The following SLC41A2 variants were observed in gnomAD, a reference collection of about 807,000 sequenced individuals.
SLC41A2 encodes the protein SLC41A1-like 1.
Under a neutral mutation model 58.3 loss-of-function variants are expected in SLC41A2, and 32 were observed. The observed-to-expected ratio is 0.55, with a 90% confidence interval of 0.41 to 0.74. The LOEUF is 0.74. Ranked by LOEUF, SLC41A2 falls within the 30% of genes least tolerant of loss-of-function variation. The pLI is 0.00. For missense variants in SLC41A2, 514 were observed against 680.6 expected (o/e 0.76, Z 2.72); for synonymous variants, 190 against 235.0 (o/e 0.81, Z 1.75).
intron 10 of SLC41A2, among the ~76,000 whole-genome samples, chr12:104,837,772 T>G (rs970607001): frequency 4.6e-5 from 7 of 152,250 alleles, no homozygotes; most frequent in African/African-American, 1.7e-4. Flanking sequence ...CATGATAAAC[T>G]GCAGCTACTA....
At chr12:104,882,353 T>A (rs1263908327) in intron 6 of SLC41A2, among the ~76,000 whole-genome samples, 2 of 152,340 alleles carry the variant, frequency 1.3e-5, no homozygotes, top group East Asian at 3.9e-4. Context: ...AATTTGATCC[T>A]GTCATCATGA....
chr12:104,928,031 G>A lies in SLC41A2; in HGVS notation c.497C>T (p.Pro166Leu). ...SGIMALQILV[P>L]FLLAGFGTVS... ...TGTTCCAAAACCAGCTAGCAAAAAG[G>A]GCACAAGTATTTGCAATGCCATGAT... The change falls in exon 2 of 11, where the codon CCC (proline) becomes CTC (leucine). Residue 166 changes from proline to leucine, a missense_variant. Physicochemically the swap from Pro to Leu is moderately conservative, Grantham distance 98. Transcript: ENST00000258538. 3 of 1,613,822 alleles carry A rather than the reference G, an allele frequency of 1.9e-6. No individual in the cohort carries two copies. The highest frequency in any genetic ancestry group is 2.5e-6 in the Non-Finnish European group (3 of 1,179,866).
At chr12:104,902,727 C>T (rs1424247019) in intron 3 of SLC41A2, among the ~76,000 whole-genome samples, 2 of 152,188 alleles carry the variant, frequency 1.3e-5, no homozygotes, top group South Asian at 4.1e-4. Context: ...GGTCTCAAAG[C>T]CAAGGGCTAT....
At chr12:104,853,535 C>T (rs1167786650) in intron 8 of SLC41A2, among the ~76,000 whole-genome samples, 5 of 151,938 alleles carry the variant, frequency 3.3e-5, no homozygotes, top group African/African-American at 1.2e-4. Flanking sequence ...ATTGGAACAC[C>T]CTTTTAGTGA....
rs368596323 is a variant in SLC41A2 at position 104,860,593 on chromosome 12, AT to A, written c.1255+697del. Among the ~76,000 whole-genome samples, 895 of 148,618 alleles carry A rather than the reference AT, an allele frequency of 6.0e-3. 17 individuals are homozygous for A. The highest frequency in any genetic ancestry group is 0.02 in the African/African-American group (838 of 40,880). On this transcript the variant is annotated intron_variant, in intron 8 of 10. Coordinates refer to ENST00000258538, the MANE Select transcript of SLC41A2 (RefSeq NM_001352171.3). ...GAGGACCAATAGATTTTTTTCTTTT[AT>A]TTTTTTTTAAGACAGGGTCTCACTC...
intron 10 of SLC41A2, among the ~76,000 whole-genome samples, chr12:104,815,648 C>T (rs1327147552): frequency 1.3e-5 from 2 of 151,912 alleles, no homozygotes; most frequent in Non-Finnish European, 1.5e-5. Flanking sequence ...CAAATAAACC[C>T]GAGAAGTAGC....
At position 104,803,000 on chromosome 12, in the gene SLC41A2, A is replaced by G. The variant is rs2040752530; in HGVS notation, c.*2152T>C. 6.6e-6 allele frequency: 1 copy of G among 152,170 alleles called. No individual in the cohort carries two copies. The highest frequency in any genetic ancestry group is 2.4e-5 in the African/African-American group (1 of 41,454). The allele number at this position is 152,170 out of a possible 1,614,324, so 9.4% of individuals were successfully genotyped here. ...TCTGAATTTCGGTTTCCTCTGCTGT[A>G]AAATAGAGATAGGAATATCCATCTG... On this transcript the variant is annotated 3_prime_UTR_variant, in exon 11 of 11. Transcript: ENST00000258538.
chr12:104,926,260 A>C (rs2046835192), intron 2 of SLC41A2, among the ~76,000 whole-genome samples: 1 of 152,224 alleles, frequency 6.6e-6, no homozygotes, highest in African/African-American at 2.4e-5. Flanking sequence ...ATTACTTTAG[A>C]AAGATAATTA....
intron 10 of SLC41A2, among the ~76,000 whole-genome samples, chr12:104,808,980 T>C (rs1163808838): frequency 6.6e-6 from 1 of 152,212 alleles, no homozygotes; most frequent in Admixed American, 6.5e-5. Context: ...TTGGACAAGT[T>C]GGCAAGTATA....
chr12:104,820,817 G>A (rs144470538), intron 10 of SLC41A2, among the ~76,000 whole-genome samples: 40 of 152,016 alleles, frequency 2.6e-4, no homozygotes, highest in African/African-American at 9.2e-4. Context: ...TAATTTTTTC[G>A]TATTTTTAGT....
intron 6 of SLC41A2, among the ~76,000 whole-genome samples, chr12:104,872,806 T>C (rs2135554842): frequency 6.6e-6 from 1 of 152,324 alleles, no homozygotes; most frequent in Middle Eastern, 3.4e-3. Context: ...GTATGAAAGC[T>C]AACAGCACAT....
chr12:104,833,610 C>A (rs1407698877), intron 10 of SLC41A2, among the ~76,000 whole-genome samples: 1 of 152,096 alleles, frequency 6.6e-6, no homozygotes, highest in Admixed American at 6.6e-5. Flanking sequence ...TCTTTGGAAA[C>A]TTTTTGCTTT....
chr12:104,935,965 C>T (rs1230116094), intron 1 of SLC41A2, among the ~76,000 whole-genome samples: 2 of 151,968 alleles, frequency 1.3e-5, no homozygotes, highest in East Asian at 3.9e-4. Context: ...ATTGGTTGAA[C>T]CCAGGAGGCA....
chr12:104,955,341 C>T (rs1044849156), intron 1 of SLC41A2, among the ~76,000 whole-genome samples: 2 of 150,432 alleles, frequency 1.3e-5, no homozygotes, highest in African/African-American at 5.0e-5. Flanking sequence ...ATTACCCTCG[C>T]TACCTGATTA....
chr12:104,808,726 T>C (rs1295312055), intron 10 of SLC41A2, among the ~76,000 whole-genome samples: 1 of 152,202 alleles, frequency 6.6e-6, no homozygotes, highest in East Asian at 1.9e-4. Context: ...AAGCTATTGA[T>C]TATTGCCTCA....
At chr12:104,955,016 C>CTTTTTTTTTT (rs375969264) in intron 1 of SLC41A2, among the ~76,000 whole-genome samples, 7 of 79,168 alleles carry the variant, frequency 8.8e-5, no homozygotes, top group East Asian at 9.1e-4. Context: ...TTGGCCCTTG[C>CTTTTTTTTTT]TTTTTTTTTT....
At chr12:104,887,182 A>T (rs1357263732) in intron 5 of SLC41A2, among the ~76,000 whole-genome samples, 2 of 152,012 alleles carry the variant, frequency 1.3e-5, no homozygotes, top group African/African-American at 4.8e-5. Context: ...CATTAAGAGG[A>T]TGTAGTAAAG....
chr12:104,886,387 A>G lies in SLC41A2; in HGVS notation c.933T>C (p.Pro311=). 1 of 1,613,706 alleles carries G rather than the reference A, an allele frequency of 6.2e-7. No homozygotes were observed. Among genetic ancestry groups the G allele is most frequent in the Non-Finnish European group, 8.5e-7 (1 of 1,179,646 alleles). Residue 311 remains proline (P), a synonymous_variant, in exon 6 of 11, where the codon CCT becomes CCC. Coordinates refer to ENST00000258538, the MANE Select transcript of SLC41A2 (RefSeq NM_001352171.3). ...CAGCAATGGGTGTAGCAACATTATC[A>G]GGATTTATACCAGTCTTCTTTGAAC... ...IVGSKKTGIN[P]DNVATPIAAS...
intron 3 of SLC41A2, among the ~76,000 whole-genome samples, chr12:104,904,726 A>G (rs753450808): frequency 2.3e-4 from 35 of 149,344 alleles, no homozygotes; most frequent in Non-Finnish European, 3.5e-4. Context: ...CTTCGCGATG[A>G]GTGTTAACAG....
Sources: gnomAD v4.1 joint callset for allele counts (sites outside exome capture counted in the v4.1 genomes callset) on GRCh38, gnomAD v4.1.1 for gene constraint, MANE v1.5 for transcripts, NCBI Gene and HGNC (gene_info 2026-07-23, HGNC 2026-07-21) for gene names.